The following NEGR1 variants were observed in gnomAD, a reference collection of about 807,000 sequenced individuals.
NEGR1 encodes IgLON family member 4.
Under a neutral mutation model 40.9 loss-of-function variants are expected in NEGR1, and 10 were observed. The observed-to-expected ratio is 0.24, with a 90% confidence interval of 0.15 to 0.42. The LOEUF (loss-of-function observed/expected upper bound fraction) is 0.42. Among genes scored for constraint, NEGR1 ranks in the 10% least tolerant of loss-of-function variants. The pLI, the probability that NEGR1 is intolerant of heterozygous loss-of-function variation, is 1.00. For synonymous variants in NEGR1, 185 were observed against 166.8 expected (o/e 1.11, Z -0.84); for missense variants, 352 against 438.9 (o/e 0.80, Z 1.77).
At chr1:71,923,754 G>A (rs1266246459) in intron 2 of NEGR1, among the ~76,000 whole-genome samples, 1 of 152,012 alleles carries the variant, frequency 6.6e-6, no homozygotes. Context: ...ATTAAATCCA[G>A]CCATTGTAGG....
In NEGR1 at chr1:71,775,947, C is replaced by T. The variant is rs189645389; in HGVS notation, c.535+225G>A. On this transcript the variant is annotated intron_variant, in intron 3 of 6. Transcript: ENST00000357731. ...GGCGGAGGTTGCAGTGAGACCGGTT[C>T]GCGCCACTGAGCTGCAGCCTGGGGG... Among the ~76,000 whole-genome samples, 575 of 151,236 alleles carry T rather than the reference C, an allele frequency of 3.8e-3. 3 individuals carry two copies. Among genetic ancestry groups the T allele is most frequent in the African/African-American group, 0.013 (554 of 41,194 alleles).
intron 3 of NEGR1, among the ~76,000 whole-genome samples, chr1:71,732,528 G>A (rs1247524820): frequency 1.3e-5 from 2 of 151,916 alleles, no homozygotes; most frequent in African/African-American, 2.4e-5. Flanking sequence ...GTGCGCGCGC[G>A]CGCCAGCTTG....
At chr1:72,031,153 C>A (rs1569851476) in intron 1 of NEGR1, among the ~76,000 whole-genome samples, 3 of 152,296 alleles carry the variant, frequency 2.0e-5, no homozygotes, top group South Asian at 2.1e-4. Context: ...GAATCTTATG[C>A]AGCCGCAGAA....
At chr1:72,230,118 A>G (rs1325359348) in intron 1 of NEGR1, among the ~76,000 whole-genome samples, 1 of 152,094 alleles carries the variant, frequency 6.6e-6, no homozygotes, top group Non-Finnish European at 1.5e-5. Context: ...ATGTAATTCT[A>G]GCAAGCAAGC....
In NEGR1 at chr1:71,437,550, C is replaced by G. The variant is rs971899869; in HGVS notation, c.941-29980G>C. 8.4e-4 allele frequency among the ~76,000 whole-genome samples: 127 copies of G among 152,024 alleles called. 1 individual carries two copies. The highest frequency in any genetic ancestry group is 3.0e-3 in the African/African-American group (125 of 41,386). On this transcript the variant is annotated intron_variant, in intron 6 of 6. Coordinates refer to ENST00000357731, the MANE Select transcript of NEGR1 (RefSeq NM_173808.3). Reference sequence around the variant, plus strand: ...AAAAAAAGCTAACATATCAGCAAGTCAAGAAATTCAGGTGCTTGTATGCTA... The same window carrying G: ...AAAAAAAGCTAACATATCAGCAAGTGAAGAAATTCAGGTGCTTGTATGCTA...
intron 1 of NEGR1, among the ~76,000 whole-genome samples, chr1:72,211,824 C>A (rs191589396): frequency 6.6e-6 from 1 of 151,536 alleles, no homozygotes; most frequent in African/African-American, 2.4e-5. Flanking sequence ...TGCCACTGTA[C>A]CTCACTCTAT....
chr1:72,006,794 A>G (rs1350041887), intron 1 of NEGR1, among the ~76,000 whole-genome samples: 2 of 152,186 alleles, frequency 1.3e-5, no homozygotes, highest in Admixed American at 6.5e-5. Context: ...TTGCAAAGAC[A>G]AGGTTAGACT....
intron 3 of NEGR1, among the ~76,000 whole-genome samples, chr1:71,773,345 C>T (rs2101714482): frequency 6.6e-6 from 1 of 152,228 alleles, no homozygotes; most frequent in Admixed American, 6.5e-5. Context: ...TTTTTATTTA[C>T]TTATTTATTT....
intron 2 of NEGR1, among the ~76,000 whole-genome samples, chr1:71,786,787 C>T (rs946828700): frequency 5.9e-5 from 9 of 152,214 alleles, no homozygotes; most frequent in Non-Finnish European, 1.2e-4. Context: ...TTGGAGTAGG[C>T]TCTTGGCTGC....
rs557203739 is a variant in NEGR1, at chr1:71,497,390, A to G, written c.941-89820T>C. 4.7e-4 allele frequency among the ~76,000 whole-genome samples: 72 copies of G among 152,278 alleles called. 1 individual carries two copies. The highest frequency in any genetic ancestry group is 7.2e-4 in the Non-Finnish European group (49 of 67,990). On this transcript the variant is annotated intron_variant, in intron 6 of 6. Coordinates refer to ENST00000357731, the MANE Select transcript of NEGR1 (RefSeq NM_173808.3). ...TCAGCGTTCATTCTAAATTGCTTAA[A>G]ATGTGTATTTCTCTTTTAAACAGAA...
At chr1:71,456,749 T>C (rs1646675799) in intron 6 of NEGR1, among the ~76,000 whole-genome samples, 3 of 152,222 alleles carry the variant, frequency 2.0e-5, no homozygotes, top group Admixed American at 2.0e-4. Flanking sequence ...TTAGCACCAA[T>C]GGACATGTTT....
intron 1 of NEGR1, among the ~76,000 whole-genome samples, chr1:71,999,681 AT>A: frequency 2.3e-5 from 1 of 43,312 alleles, no homozygotes; most frequent in East Asian, 1.8e-3. Context: ...ATATATATAC[AT>A]ACATATTTTT....
intron 2 of NEGR1, among the ~76,000 whole-genome samples, chr1:71,788,046 GA>G (rs1472306225): frequency 3.2e-4 from 48 of 152,128 alleles, no homozygotes; most frequent in Admixed American, 2.9e-3. Context: ...GTTTCATCCA[GA>G]AACTTAATGA....
intron 1 of NEGR1, among the ~76,000 whole-genome samples, chr1:71,984,847 A>T (rs1396030718): frequency 6.6e-6 from 1 of 152,174 alleles, no homozygotes; most frequent in Non-Finnish European, 1.5e-5. Flanking sequence ...GTATAAACTT[A>T]AGCATGATTT....
intron 1 of NEGR1, among the ~76,000 whole-genome samples, chr1:72,249,496 C>T (rs1418265161): frequency 6.6e-6 from 1 of 152,032 alleles, no homozygotes; most frequent in African/African-American, 2.4e-5. Flanking sequence ...GAGCAAGGAA[C>T]TATATATATG....
intron 2 of NEGR1, among the ~76,000 whole-genome samples, chr1:71,850,215 G>A (rs1361574331): frequency 6.6e-6 from 1 of 152,050 alleles, no homozygotes; most frequent in Non-Finnish European, 1.5e-5. Flanking sequence ...GAGTGCAGTG[G>A]TTTGAGTTTG....
chr1:72,080,742 G>A (rs923474966), intron 1 of NEGR1, among the ~76,000 whole-genome samples: 2 of 152,050 alleles, frequency 1.3e-5, no homozygotes, highest in Non-Finnish European at 2.9e-5. Context: ...CCACCTCATA[G>A]GGTTGTTGGA....
intron 3 of NEGR1, among the ~76,000 whole-genome samples, chr1:71,748,996 G>C (rs1466439991): frequency 6.6e-6 from 1 of 152,108 alleles, no homozygotes; most frequent in Admixed American, 6.5e-5. Context: ...TAAGATCATA[G>C]TATTTTTGTT....
intron 1 of NEGR1, among the ~76,000 whole-genome samples, chr1:72,237,394 C>T (rs1654584215): frequency 1.3e-5 from 2 of 151,914 alleles, no homozygotes; most frequent in African/African-American, 2.4e-5. Flanking sequence ...TTATTTCTCA[C>T]AGTTCTGGAG....
Sources: allele counts gnomAD v4.1 joint callset (sites outside exome capture counted in the v4.1 genomes callset), GRCh38; gene constraint gnomAD v4.1.1; transcripts MANE v1.5; gene names NCBI Gene and HGNC (gene_info 2026-07-23, HGNC 2026-07-21).